STARD9: variants seen among roughly 807,000 people sequenced by gnomAD.
The protein encoded by STARD9 is StAR related lipid transfer domain containing 9, also known as stAR-related lipid transfer protein 9.
STARD9 carries 346 observed loss-of-function variants against 399.8 expected under a neutral mutation model. The ratio of observed to expected loss-of-function variants is 0.87; its 90% CI spans 0.79 to 0.95. The LOEUF (loss-of-function observed/expected upper bound fraction) is 0.95, where lower values mean the gene tolerates loss of function less well. Ranked by LOEUF, STARD9 falls within the 40% of genes least tolerant of loss-of-function variation. STARD9 has a pLI of 0.00. For synonymous variants in STARD9, 2,203 were observed against 2,143.5 expected, an observed-to-expected ratio of 1.03 and a Z score of -0.77; for missense variants, 5,832 against 5,667.5, an observed-to-expected ratio of 1.03 and a Z score of -0.93.
At position 42,687,055 on chromosome 15, in the gene STARD9, G is replaced by A; in HGVS notation, c.5477G>A (p.Arg1826Lys). 3 of 1,537,034 alleles carry A rather than the reference G, an allele frequency of 2.0e-6. No homozygotes were observed. Among genetic ancestry groups the A allele is most frequent in the Non-Finnish European group, 2.6e-6 (3 of 1,146,838 alleles). The change falls in exon 23 of 33, where the codon AGG (arginine) becomes AAG (lysine). Residue 1826 changes from arginine to lysine, a missense_variant. By Grantham distance (26) the Arg-to-Lys change is conservative. Transcript: ENST00000290607. ...TAEIPVDLNT[R>K]EVIRESGKCP... ...GAGATACCAGTTGATCTGAATACCA[G>A]GGAAGTCATCAGAGAATCAGGTAAA...
chr15:42,648,022 TC>T (rs2059679476), intron 7 of STARD9, among the ~76,000 whole-genome samples: 2 of 152,216 alleles, frequency 1.3e-5, no homozygotes, highest in African/African-American at 4.8e-5. Flanking sequence ...ACTCAGTTTG[TC>T]CCTTCTTGAC....
chr15:42,675,470 T>C, intron 18 of STARD9, 194 bp from the exon 19 acceptor site: 1 of 574,634 alleles, frequency 1.7e-6, no homozygotes, highest in East Asian at 3.0e-5. Flanking sequence ...CTTGGAATAG[T>C]AGAGTTCTTC....
chr15:42,715,546 T>G (rs1595832451), intron 26 of STARD9, among the ~76,000 whole-genome samples: 3 of 142,590 alleles, frequency 2.1e-5, no homozygotes, highest in African/African-American at 2.7e-5. Flanking sequence ...TGAGATGGAG[T>G]CTCTCTCTGT....
intron 6 of STARD9, among the ~76,000 whole-genome samples, chr15:42,638,437 C>T (rs1163945633): frequency 1.3e-5 from 2 of 152,006 alleles, no homozygotes; most frequent in East Asian, 3.9e-4. Context: ...ATCTGGGAGG[C>T]GGAGGTTGCA....
intron 3 of STARD9, among the ~76,000 whole-genome samples, chr15:42,632,742 C>T (rs1287210170): frequency 2.0e-5 from 3 of 152,018 alleles, no homozygotes; most frequent in South Asian, 2.1e-4. Context: ...CTCAAGAGGC[C>T]GAGGCGAGAT....
rs757857611 is a variant in STARD9 at position 42,638,736 on chromosome 15, G to A, written c.483G>A (p.Leu161=). 1 of 1,536,530 alleles carries A rather than the reference G, an allele frequency of 6.5e-7. No homozygotes were observed. The highest frequency in any genetic ancestry group is 2.4e-5 in the East Asian group (1 of 40,900). Residue 161 remains leucine (L), a synonymous_variant, in exon 7 of 33, where the codon CTG becomes CTA. Coordinates refer to ENST00000290607, the MANE Select transcript of STARD9 (RefSeq NM_020759.3). ...TCTATAATGAACGGGTGCGGGATCT[G>A]TTGAAGCAATCTGGTCAAAAAAAGT... is the stretch of plus-strand genomic sequence containing the variant. ...LEIYNERVRD[L]LKQSGQKKSY...
At chr15:42,698,002 G>C (rs542810182) in intron 26 of STARD9, among the ~76,000 whole-genome samples, 1 of 152,230 alleles carries the variant, frequency 6.6e-6, no homozygotes, top group South Asian at 2.1e-4. Flanking sequence ...ACAAAATAAA[G>C]CATATTATGC....
At chr15:42,577,994 A>T (rs2058091051) in intron 1 of STARD9, among the ~76,000 whole-genome samples, 2 of 152,246 alleles carry the variant, frequency 1.3e-5, no homozygotes, top group South Asian at 2.1e-4. Flanking sequence ...TTCTAAAAGT[A>T]GTAAGAGCCA....
chr15:42,681,568 A>T lies in STARD9; in HGVS notation c.2021A>T (p.Glu674Val), dbSNP rs1199029030. The change falls in exon 21 of 33, where the codon GAA becomes GTA. Residue 674 changes from glutamate (E) to valine (V), a missense_variant. By Grantham distance (121) the Glu-to-Val change is moderately radical. Transcript: ENST00000290607. ...ILAEEIRAAKELEFDQAWISQ... is the reference protein window; with the variant it reads ...ILAEEIRAAKVLEFDQAWISQ... ...GCAGAAGAGATTCGAGCTGCGAAGG[A>T]ACTGGAATTTGACCAAGCTTGGATT... The T allele has an allele frequency of 6.5e-7, 1 of 1,537,176 alleles. No homozygotes were observed. Among genetic ancestry groups the T allele is most frequent in the African/African-American group, 1.4e-5 (1 of 73,172 alleles).
At chr15:42,637,472 C>A (rs2059441365) in intron 4 of STARD9, among the ~76,000 whole-genome samples, 1 of 152,142 alleles carries the variant, frequency 6.6e-6, no homozygotes, top group African/African-American at 2.4e-5. Flanking sequence ...ACCTCGGCCT[C>A]CCAAAGTGCT....
At chr15:42,656,313 C>G (rs559257090) in intron 9 of STARD9, among the ~76,000 whole-genome samples, 3 of 119,358 alleles carry the variant, frequency 2.5e-5, no homozygotes, top group Non-Finnish European at 4.9e-5. Context: ...TGCCACTGCA[C>G]TCCAGCCATC....
At chr15:42,622,350 CCTCT>C (rs141452327) in intron 3 of STARD9, among the ~76,000 whole-genome samples, 6 of 149,052 alleles carry the variant, frequency 4.0e-5, no homozygotes, top group East Asian at 2.0e-4. Flanking sequence ...TCTCTCTCTC[CCTCT>C]CTCTCTCTCT....
At chr15:42,642,938 A>G (rs1007515241) in intron 7 of STARD9, among the ~76,000 whole-genome samples, 4 of 151,912 alleles carry the variant, frequency 2.6e-5, no homozygotes, top group Non-Finnish European at 5.9e-5. Flanking sequence ...AGCTGATACT[A>G]CAGACATGTG....
chr15:42,693,934 G>C lies in STARD9; in HGVS notation c.12356G>C (p.Ser4119Thr), dbSNP rs766346687. ...ACQPEELLCF[S>T]CQMCMAPEHQ... ...CAACCTGAGGAGTTACTGTGCTTCA[G>C]TTGCCAGATGTGCATGGCCCCTGAG... The change falls in exon 23 of 33, where the codon AGT becomes ACT. Residue 4119 changes from serine to threonine, a missense_variant. Physicochemically the swap from Ser to Thr is moderately conservative, Grantham distance 58. Transcript: ENST00000290607. The C allele has an allele frequency of 9.1e-5, 137 of 1,506,202 alleles. No individual in the cohort carries two copies. Among genetic ancestry groups the C allele is most frequent in the Non-Finnish European group, 1.2e-4 (130 of 1,130,230 alleles). The allele number at this position is 1,506,202 out of a possible 1,614,324, so 93.3% of individuals were successfully genotyped here.
Position 42,585,529 on chromosome 15 carries a change from T to G in STARD9, c.126T>G (p.Asn42Lys), listed in dbSNP as rs2058257408. The G allele has an allele frequency of 6.5e-7, 1 of 1,536,662 alleles. No homozygotes were observed. Among genetic ancestry groups the G allele is most frequent in the Non-Finnish European group, 8.7e-7 (1 of 1,146,428 alleles). ...VAKIRNLKVDNRPDGFGDSRE... is the reference protein window; with the variant it reads ...VAKIRNLKVDKRPDGFGDSRE... Reference sequence around the variant, plus strand: ...CCTATGTTTGATTTTAGGTGGACAATCGACCAGATGGCTTTGGGGACTCCC... The same window carrying G: ...CCTATGTTTGATTTTAGGTGGACAAGCGACCAGATGGCTTTGGGGACTCCC... The change falls in exon 3 of 33, where the codon AAT becomes AAG. Residue 42 changes from asparagine (N) to lysine (K), a missense_variant. By Grantham distance (94) the Asn-to-Lys change is moderately conservative. Coordinates refer to ENST00000290607, the MANE Select transcript of STARD9 (RefSeq NM_020759.3).
At chr15:42,651,658 G>T (rs888792508) in intron 8 of STARD9, among the ~76,000 whole-genome samples, 1 of 151,816 alleles carries the variant, frequency 6.6e-6, no homozygotes, top group African/African-American at 2.4e-5. Context: ...GGGGTAAAAA[G>T]GTCTTTAGAG....
rs1313980393 is a variant in STARD9, at chr15:42,692,100, G to C, written c.10522G>C (p.Val3508Leu). ...QKPQGLTLSN[V>L]ARCSSMDNGL... ...GCCCCAGGGGCTGACACTATCAAAT[G>C]TGGCCCGGTGCTCCAGCATGGACAA... is the stretch of plus-strand genomic sequence containing the variant. The change falls in exon 23 of 33, where the codon GTG (valine) becomes CTG (leucine). Residue 3508 changes from valine (V) to leucine (L), a missense_variant. Val to Leu is a conservative substitution (Grantham distance 32). This residue lies in a region of STARD9 where 5,828 missense variants were observed against 5,651.1 expected (regional missense o/e 1.03). Coordinates refer to ENST00000290607, the MANE Select transcript of STARD9 (RefSeq NM_020759.3). 3 of 1,537,094 alleles carry C rather than the reference G, an allele frequency of 2.0e-6. No individual in the cohort carries two copies. The highest frequency in any genetic ancestry group is 2.6e-6 in the Non-Finnish European group (3 of 1,146,926).
rs537457295 is a variant in STARD9 at position 42,650,409 on chromosome 15, C to T, written c.560-607C>T. ...AGCCATGAAGATTTACTTTCATGCC[C>T]GTAGGCTCCTCTTCACCTATCTAAA... is the stretch of plus-strand genomic sequence containing the variant. On this transcript the variant is annotated intron_variant, in intron 7 of 32. Transcript: ENST00000290607. Among the ~76,000 whole-genome samples the T allele has an allele frequency of 1.4e-4, 22 of 152,274 alleles. No homozygotes were observed. In the South Asian group the frequency reaches 2.3e-3, roughly 16 times the overall value.
intron 3 of STARD9, among the ~76,000 whole-genome samples, chr15:42,605,093 T>C (rs2058701785): frequency 6.6e-6 from 1 of 152,210 alleles, no homozygotes; most frequent in Non-Finnish European, 1.5e-5. Flanking sequence ...CAAAGCATCA[T>C]ATGAATTATT....
Sources: allele counts gnomAD v4.1 joint callset (sites outside exome capture counted in the v4.1 genomes callset), GRCh38; gene constraint gnomAD v4.1.1; regional missense constraint gnomAD v4.1.1; transcripts MANE v1.5; gene names NCBI Gene and HGNC (gene_info 2026-07-23, HGNC 2026-07-21).